The following MYO1H variants were observed in gnomAD, a reference collection of about 807,000 sequenced individuals.
The protein encoded by MYO1H is myosin IH.
A neutral mutation model predicts 149.3 loss-of-function variants in MYO1H; 118 were observed. The ratio of observed to expected loss-of-function variants is 0.79; its 90% CI spans 0.68 to 0.92. MYO1H has a LOEUF of 0.92. MYO1H is among the 40% of genes least tolerant of loss of function. The pLI, the probability that MYO1H is intolerant of heterozygous loss-of-function variation, is 0.00. For synonymous variants in MYO1H, 447 were observed against 465.2 expected (o/e 0.96, Z 0.50); for missense variants, 1,212 against 1,280.7 (o/e 0.95, Z 0.82).
exon 6 of MYO1H, chr12:109,401,248 C>A: frequency 6.2e-7 from 1 of 1,612,810 alleles, no homozygotes; most frequent in Non-Finnish European, 8.5e-7. Flanking sequence ...AGCGAGACCC[C>A]CAGCTGTATA....
chr12:109,310,992 C>T, the MYO1H span, among the ~76,000 whole-genome samples: 5,845 of 152,214 alleles, frequency 0.038, 312 homozygotes, highest in East Asian at 0.15. Flanking sequence ...AATTAATTCA[C>T]CAGTAAAGTT....
At chr12:109,311,457 C>T in the MYO1H span, among the ~76,000 whole-genome samples, 5 of 152,320 alleles carry the variant, frequency 3.3e-5, no homozygotes, top group African/African-American at 1.2e-4. Flanking sequence ...TTAGATCAAT[C>T]TGTTTTTCCC....
intron 15 of MYO1H, among the ~76,000 whole-genome samples, chr12:109,418,037 C>T (rs1274011732): frequency 2.0e-5 from 3 of 151,912 alleles, no homozygotes; most frequent in Admixed American, 1.3e-4. Flanking sequence ...AGGATGGTCT[C>T]GATCTCCTGA....
At chr12:109,313,797 C>T in the MYO1H span, among the ~76,000 whole-genome samples, 1 of 152,096 alleles carries the variant, frequency 6.6e-6, no homozygotes. Context: ...TCTTTTCCAT[C>T]CTTTTATAAT....
chr12:109,438,564 G>A (rs764323170), exon 23 of MYO1H: 14 of 1,613,394 alleles, frequency 8.7e-6, no homozygotes, highest in Non-Finnish European at 1.0e-5. Flanking sequence ...ACTGGCGTGG[G>A]GCCCTGGCTC....
the MYO1H span, among the ~76,000 whole-genome samples, chr12:109,318,967 G>GTTTTTTTTTTTT: frequency 6.9e-4 from 55 of 79,594 alleles, 1 homozygote; most frequent in African/African-American, 1.3e-3. Flanking sequence ...TGCGTTTTTG[G>GTTTTTTTTTTTT]TTTTGTTTTT....
chr12:109,311,896 T>A, the MYO1H span, among the ~76,000 whole-genome samples: 1 of 152,340 alleles, frequency 6.6e-6, no homozygotes, highest in East Asian at 1.9e-4. Flanking sequence ...GGCTTTGGCT[T>A]TCCTTTCCAG....
upstream of MYO1H, among the ~76,000 whole-genome samples, chr12:109,345,827 T>G (rs2136988722): frequency 6.6e-6 from 1 of 152,266 alleles, no homozygotes; most frequent in East Asian, 1.9e-4. Flanking sequence ...GACACAATGC[T>G]AAGTGAAAGA....
intron 5 of MYO1H, among the ~76,000 whole-genome samples, chr12:109,399,404 C>T (rs1019960107): frequency 8.6e-5 from 13 of 151,422 alleles, no homozygotes; most frequent in African/African-American, 3.2e-4. Flanking sequence ...CCAGCCTGGC[C>T]AACATGGTGA....
intron 4 of MYO1H, among the ~76,000 whole-genome samples, chr12:109,397,358 T>A (rs995165925): frequency 1.1e-4 from 16 of 152,182 alleles, no homozygotes; most frequent in Admixed American, 9.2e-4. Flanking sequence ...TTGAAGGAAT[T>A]TTCCCAGTGG....
exon 18 of MYO1H, chr12:109,425,951 G>T (rs779035103): frequency 1.9e-6 from 3 of 1,610,804 alleles, no homozygotes; most frequent in African/African-American, 2.7e-5. Flanking sequence ...TGCAGGTGGG[G>T]ACTCAGTTTA....
At chr12:109,421,266 GATGGAGCTCCGAACAA>G (rs1320149484) in intron 16 of MYO1H, among the ~76,000 whole-genome samples, 2 of 103,826 alleles carry the variant, frequency 1.9e-5, no homozygotes, top group Non-Finnish European at 4.0e-5. Context: ...CAGTGAACAA[GATGGAGCTCCGAACAA>G]GATGGAGCTC....
At position 109,367,718 on chromosome 12, in the gene MYO1H, A is replaced by AT. The variant is rs551372430; in HGVS notation, c.12+19753dup. Reference sequence around the variant, plus strand: ...AGGCGCCCGCCACCACACCCGGCTAATTTTTTTGTATTTTTAGTAGAGACA... The same window carrying AT: ...AGGCGCCCGCCACCACACCCGGCTAATTTTTTTTGTATTTTTAGTAGAGACA... On this transcript the variant is annotated intron_variant, in intron 1 of 31. Transcript: ENST00000310903. Among the ~76,000 whole-genome samples the AT allele has an allele frequency of 4.3e-3, 651 of 151,654 alleles. 7 individuals are homozygous for AT. The highest frequency in any genetic ancestry group is 0.015 in the African/African-American group (613 of 41,312).
At chr12:109,330,168 A>G in the MYO1H span, among the ~76,000 whole-genome samples, 2 of 152,290 alleles carry the variant, frequency 1.3e-5, no homozygotes, top group East Asian at 1.9e-4. Flanking sequence ...CATTAGGGGA[A>G]ACTGAGAGAG....
chr12:109,412,025 T>C (rs1288285223), intron 14 of MYO1H, 40 bp downstream of exon 14: 2 of 1,347,264 alleles, frequency 1.5e-6, no homozygotes, highest in Non-Finnish European at 1.0e-6. Context: ...TGGGGGAAGA[T>C]GATTGTGTCT....
intron 3 of MYO1H, among the ~76,000 whole-genome samples, chr12:109,395,734 CAAA>C (rs112060744): frequency 7.3e-6 from 1 of 137,858 alleles, no homozygotes; most frequent in Admixed American, 7.1e-5. Flanking sequence ...GACTCCATCT[CAAA>C]AAAAAAAAAA....
chr12:109,331,218 G>C, the MYO1H span, among the ~76,000 whole-genome samples: 1 of 152,214 alleles, frequency 6.6e-6, no homozygotes, highest in African/African-American at 2.4e-5. Flanking sequence ...ATCCATAGCA[G>C]AGTCTGTCTT....
intron 1 of MYO1H, among the ~76,000 whole-genome samples, chr12:109,385,107 T>C (rs1335809007): frequency 6.6e-6 from 1 of 152,162 alleles, no homozygotes; most frequent in African/African-American, 2.4e-5. Context: ...ACAATTATAA[T>C]TCCGTTTTAT....
the MYO1H span, among the ~76,000 whole-genome samples, chr12:109,310,814 CT>C: frequency 1.3e-5 from 2 of 152,276 alleles, no homozygotes; most frequent in East Asian, 3.9e-4. Context: ...CTTTCATTCT[CT>C]AGGGAGGAAA....
Sources: gnomAD v4.1 joint callset for allele counts (sites outside exome capture counted in the v4.1 genomes callset) on GRCh38, gnomAD v4.1.1 for gene constraint, MANE v1.5 for transcripts, NCBI Gene and HGNC (gene_info 2026-07-23, HGNC 2026-07-21) for gene names.